Variants in FFAR4 observed in about 807,000 individuals in gnomAD.
FFAR4 encodes G-protein coupled receptor 120.
A neutral mutation model predicts 27.0 loss-of-function variants in FFAR4; 19 were observed. The observed-to-expected ratio is 0.70, with a 90% CI of 0.49 to 1.03. The LOEUF (loss-of-function observed/expected upper bound fraction) is 1.03, where lower values mean the gene tolerates loss of function less well. Ranked by LOEUF, FFAR4 falls within the 50% of genes least tolerant of loss-of-function variation. FFAR4 has a pLI of 0.00. For synonymous variants in FFAR4, 254 were observed against 215.6 expected (o/e 1.18, Z -1.56); for missense variants, 476 against 479.0 (o/e 0.99, Z 0.06).
rs948349157 is a variant in FFAR4 at position 93,566,969 on chromosome 10, C to G, written c.249C>G (p.Cys83Trp). 6.2e-7 allele frequency: 1 copy of G among 1,611,842 alleles called. No individual in the cohort carries two copies. Among genetic ancestry groups the G allele is most frequent in the Non-Finnish European group, 8.5e-7 (1 of 1,179,846 alleles). ...CCTGCCTGGTACTCAACCTCTTCTG[C>G]GCGGACCTGCTCTTCATCAGCGCTA... ...ATACLVLNLF[C>W]ADLLFISAIP... Residue 83 changes from cysteine to tryptophan, a missense_variant, in exon 1 of 3, where the codon TGC becomes TGG. By Grantham distance (215) the Cys-to-Trp change is radical (BLOSUM62 -2). Coordinates refer to ENST00000371481, the MANE Select transcript of FFAR4 (RefSeq NM_001195755.2).
intron 1 of FFAR4, among the ~76,000 whole-genome samples, chr10:93,569,307 TA>T (rs2058118718): frequency 6.6e-6 from 1 of 152,308 alleles, no homozygotes; most frequent in East Asian, 1.9e-4. Flanking sequence ...AGTATAACCC[TA>T]ATTAATTGGC....
chr10:93,573,446 C>G (rs1417966274), intron 1 of FFAR4, among the ~76,000 whole-genome samples: 1 of 152,174 alleles, frequency 6.6e-6, no homozygotes, highest in Non-Finnish European at 1.5e-5. Context: ...TGCCTAACTC[C>G]TCTACATGTC....
At chr10:93,571,742 C>T (rs1164216303) in intron 1 of FFAR4, among the ~76,000 whole-genome samples, 1 of 152,132 alleles carries the variant, frequency 6.6e-6, no homozygotes, top group Non-Finnish European at 1.5e-5. Flanking sequence ...TATTTTCTCT[C>T]TTTTTTGCTG....
chr10:93,586,624 G>GT (rs1209553866), intron 2 of FFAR4, among the ~76,000 whole-genome samples: 2 of 152,178 alleles, frequency 1.3e-5, no homozygotes, highest in Non-Finnish European at 2.9e-5. Flanking sequence ...GTGCAGATAT[G>GT]GCCCGAGCAC....
chr10:93,587,417 C>G lies in FFAR4; in HGVS notation c.894C>G (p.Ile298Met). 1 of 1,614,144 alleles carries G rather than the reference C, an allele frequency of 6.2e-7. No individual in the cohort carries two copies. The highest frequency in any genetic ancestry group is 8.5e-7 in the Non-Finnish European group (1 of 1,180,024). The change falls in exon 3 of 3, where the codon ATC (isoleucine) becomes ATG (methionine). Residue 298 changes from isoleucine to methionine, a missense_variant. By Grantham distance (10) the Ile-to-Met change is conservative (BLOSUM62 1). Transcript: ENST00000371481. Reference protein sequence around the residue: ...LIQNFKQDLVIWPSLFFWVVA... With the variant: ...LIQNFKQDLVMWPSLFFWVVA... Reference sequence around the variant, plus strand: ...AGAACTTCAAGCAAGACCTGGTCATCTGGCCGTCCCTCTTCTTCTGGGTGG... The same window carrying G: ...AGAACTTCAAGCAAGACCTGGTCATGTGGCCGTCCCTCTTCTTCTGGGTGG...
rs149349314 is a variant in FFAR4, at chr10:93,587,053, C to T, written c.697-167C>T. ...CTGCTTTATTTCTCAGGAGTGCAGC[C>T]GGGGTCCCATTTCTCCAGCACATCC... On this transcript the variant is annotated intron_variant, in intron 2 of 2. Transcript: ENST00000371481. Among the ~76,000 whole-genome samples, 666 of 152,202 alleles carry T rather than the reference C, an allele frequency of 4.4e-3. 3 individuals carry two copies. The highest frequency in any genetic ancestry group is 0.014 in the African/African-American group (595 of 41,500).
intron 1 of FFAR4, among the ~76,000 whole-genome samples, chr10:93,572,192 G>A (rs1417716662): frequency 6.6e-6 from 1 of 152,206 alleles, no homozygotes; most frequent in African/African-American, 2.4e-5. Flanking sequence ...GGAAGGGGAT[G>A]ATTGCACAAG....
Position 93,576,231 on chromosome 10 carries a change from G to A in FFAR4, c.696+12G>A. 1.2e-6 allele frequency: 2 copies of A among 1,613,740 alleles called. No homozygotes were observed. The highest frequency in any genetic ancestry group is 1.7e-6 in the Non-Finnish European group (2 of 1,179,700). The stretch of plus-strand genomic sequence containing the variant: ...CCAAAATTTTACAGGTATGTTTTCT[G>A]CAAGTGCTGCCACTGAACTTCACCC... On this transcript the variant is annotated intron_variant, in intron 2 of 2. Coordinates refer to ENST00000371481, the MANE Select transcript of FFAR4 (RefSeq NM_001195755.2).
In FFAR4 at chr10:93,566,973, G is replaced by A. The variant is rs758548962; in HGVS notation, c.253G>A (p.Asp85Asn). Residue 85 changes from aspartate to asparagine, a missense_variant, in exon 1 of 3, where the codon GAC (aspartate) becomes AAC (asparagine). Coordinates refer to ENST00000371481, the MANE Select transcript of FFAR4 (RefSeq NM_001195755.2). ...CCTGGTACTCAACCTCTTCTGCGCG[G>A]ACCTGCTCTTCATCAGCGCTATCCC... Reference protein sequence around the residue: ...ACLVLNLFCADLLFISAIPLV... With the variant: ...ACLVLNLFCANLLFISAIPLV... 1.2e-6 allele frequency: 2 copies of A among 1,611,840 alleles called. No homozygotes were observed. Among genetic ancestry groups the A allele is most frequent in the East Asian group, 2.2e-5 (1 of 44,856 alleles).
chr10:93,582,566 A>T (rs1207216271), intron 2 of FFAR4, among the ~76,000 whole-genome samples: 1 of 134,592 alleles, frequency 7.4e-6, no homozygotes, highest in Non-Finnish European at 1.6e-5. Context: ...AAAAAAAAAA[A>T]TCCATCCACT....
At chr10:93,585,445 G>A (rs1234908735) in intron 2 of FFAR4, among the ~76,000 whole-genome samples, 1 of 152,196 alleles carries the variant, frequency 6.6e-6, no homozygotes, top group Non-Finnish European at 1.5e-5. Context: ...TCTTGCTGGG[G>A]CAGGGGCACC....
intron 1 of FFAR4, among the ~76,000 whole-genome samples, chr10:93,575,456 C>T (rs2058158297): frequency 6.6e-6 from 1 of 152,254 alleles, no homozygotes; most frequent in Non-Finnish European, 1.5e-5. Context: ...CAAACCTTCA[C>T]ATTCTTCTGC....
chr10:93,582,221 G>A (rs1001858488), intron 2 of FFAR4, among the ~76,000 whole-genome samples: 1 of 152,058 alleles, frequency 6.6e-6, no homozygotes, highest in African/African-American at 2.4e-5. Context: ...GAACTGTGGA[G>A]AGAAGGAGAT....
chr10:93,567,159 G>T lies in FFAR4; in HGVS notation c.439G>T (p.Val147Leu), dbSNP rs765695327. The change falls in exon 1 of 3, where the codon GTG becomes TTG. Residue 147 changes from valine (V) to leucine (L), a missense_variant. Val to Leu is a conservative substitution (Grantham distance 32). Transcript: ENST00000371481. ...GTGCATCGTGCACCTGCAGCGCGGC[G>T]TGCGGGGTCCTGGGCGGCGGGCGCG... is the stretch of plus-strand genomic sequence containing the variant. Reference protein sequence around the residue: ...MVCIVHLQRGVRGPGRRARAV... With the variant: ...MVCIVHLQRGLRGPGRRARAV... The T allele has an allele frequency of 8.1e-6, 13 of 1,605,204 alleles. No individual in the cohort carries two copies. The highest frequency in any genetic ancestry group is 1.1e-5 in the Non-Finnish European group (13 of 1,178,572).
At chr10:93,579,097 G>A in intron 2 of FFAR4, 1 of 1,496,086 alleles carries the variant, frequency 6.7e-7, no homozygotes, top group Non-Finnish European at 9.3e-7. Flanking sequence ...CTAAACAGCA[G>A]TTTACTCTCG....
intron 1 of FFAR4, among the ~76,000 whole-genome samples, chr10:93,567,736 A>C (rs1355886817): frequency 6.6e-6 from 1 of 152,064 alleles, no homozygotes; most frequent in African/African-American, 2.4e-5. Context: ...CGAGGAGGAG[A>C]TGGGCTCCTT....
intron 1 of FFAR4, among the ~76,000 whole-genome samples, chr10:93,568,325 C>A (rs1251276253): frequency 6.6e-6 from 1 of 152,134 alleles, no homozygotes; most frequent in African/African-American, 2.4e-5. Flanking sequence ...TAGGTCTGTG[C>A]GCTGGGGGCT....
intron 2 of FFAR4, chr10:93,579,271 C>T: frequency 1.4e-6 from 2 of 1,380,162 alleles, no homozygotes; most frequent in South Asian, 1.2e-5. Flanking sequence ...CATCACCACC[C>T]TCACCTTAAG....
At chr10:93,572,423 A>G (rs1298337980) in intron 1 of FFAR4, among the ~76,000 whole-genome samples, 1 of 152,214 alleles carries the variant, frequency 6.6e-6, no homozygotes, top group Admixed American at 6.5e-5. Context: ...ACACATGTGT[A>G]GAGCCTGAGG....
Sources: gnomAD v4.1 joint callset for allele counts (sites outside exome capture counted in the v4.1 genomes callset) on GRCh38, gnomAD v4.1.1 for gene constraint, MANE v1.5 for transcripts, NCBI Gene and HGNC (gene_info 2026-07-23, HGNC 2026-07-21) for gene names.